Variants in PARD3 observed in about 807,000 individuals in gnomAD.
PARD3 encodes the protein par-3 family cell polarity regulator.
Under a neutral mutation model 155.4 loss-of-function variants are expected in PARD3, and 75 were observed. That is an observed-to-expected ratio of 0.48 (90% CI 0.40 to 0.58). The LOEUF is 0.58. PARD3 is among the 20% of genes least tolerant of loss of function. The probability of loss-of-function intolerance (pLI) is 0.00; values close to 1 mark genes in which losing one functional copy is unlikely to be tolerated. For synonymous variants in PARD3, 576 were observed against 610.5 expected, an observed-to-expected ratio of 0.94 and a Z score of 0.83; for missense variants, 1,642 against 1,721.7, an observed-to-expected ratio of 0.95 and a Z score of 0.82.
intron 2 of PARD3, among the ~76,000 whole-genome samples, chr10:34,656,776 C>T (rs983460893): frequency 2.0e-5 from 3 of 152,118 alleles, no homozygotes; most frequent in African/African-American, 2.4e-5. Context: ...AACTCAGGGC[C>T]GCAGGAGAAG....
intron 22 of PARD3, among the ~76,000 whole-genome samples, chr10:34,218,744 CAGG>C (rs1952132561): frequency 7.1e-6 from 1 of 140,772 alleles, no homozygotes; most frequent in Non-Finnish European, 1.5e-5. Context: ...TCATGGAGGA[CAGG>C]AGATGAGGAG....
intron 22 of PARD3, among the ~76,000 whole-genome samples, chr10:34,149,707 T>C (rs1948690225): frequency 6.6e-6 from 1 of 152,148 alleles, no homozygotes; most frequent in Non-Finnish European, 1.5e-5. Flanking sequence ...AAATGCTTAT[T>C]CTGTTTCACA....
At chr10:34,443,755 G>T (rs535060949) in intron 5 of PARD3, among the ~76,000 whole-genome samples, 20 of 152,206 alleles carry the variant, frequency 1.3e-4, no homozygotes, top group Admixed American at 5.2e-4. Context: ...ACCACAACAT[G>T]TATCATGTGA....
intron 22 of PARD3, among the ~76,000 whole-genome samples, chr10:34,242,226 T>C (rs960615532): frequency 3.3e-5 from 5 of 152,188 alleles, no homozygotes; most frequent in African/African-American, 7.2e-5. Flanking sequence ...TTCATATATA[T>C]AATTTACTTG....
At chr10:34,120,055 C>T (rs1474577782) in intron 23 of PARD3, among the ~76,000 whole-genome samples, 1 of 120,772 alleles carries the variant, frequency 8.3e-6, no homozygotes, top group Non-Finnish European at 1.6e-5. Flanking sequence ...CTCACTCTGT[C>T]ACCCAAGCAG....
intron 1 of PARD3, among the ~76,000 whole-genome samples, chr10:34,720,279 C>CA (rs1415374978): frequency 6.6e-6 from 1 of 151,844 alleles, no homozygotes; most frequent in Non-Finnish European, 1.5e-5. Flanking sequence ...ATTAAAAATA[C>CA]AAAAAATTAG....
At chr10:34,278,346 A>C (rs1020398122) in intron 21 of PARD3, among the ~76,000 whole-genome samples, 1 of 152,200 alleles carries the variant, frequency 6.6e-6, no homozygotes, top group Non-Finnish European at 1.5e-5. Flanking sequence ...TAACATGCTT[A>C]AATCTTTTTC....
At chr10:34,529,664 C>A (rs1241819455) in intron 2 of PARD3, among the ~76,000 whole-genome samples, 2 of 152,022 alleles carry the variant, frequency 1.3e-5, no homozygotes, top group African/African-American at 2.4e-5. Context: ...ACACTGAATT[C>A]TTATAATAAA....
chr10:34,776,551 ATTTT>A (rs753285825), intron 1 of PARD3, among the ~76,000 whole-genome samples: 1 of 142,938 alleles, frequency 7.0e-6, no homozygotes, highest in Admixed American at 7.1e-5. Context: ...TTCTTGAACA[ATTTT>A]TTTTTTTTTT....
At chr10:34,333,518 T>C (rs1835834992) in intron 18 of PARD3, among the ~76,000 whole-genome samples, 1 of 152,102 alleles carries the variant, frequency 6.6e-6, no homozygotes. Context: ...TGGTGGGCCC[T>C]GGGTTTGTGG....
intron 22 of PARD3, among the ~76,000 whole-genome samples, chr10:34,214,507 T>C (rs951512873): frequency 2.0e-5 from 3 of 152,116 alleles, no homozygotes; most frequent in African/African-American, 7.2e-5. Flanking sequence ...CCTTTGGCTC[T>C]TCCTTGCAGA....
chr10:34,305,805 G>C (rs1121830), intron 20 of PARD3, among the ~76,000 whole-genome samples: 95,921 of 151,912 alleles, frequency 0.63, 30,624 homozygotes, highest in African/African-American at 0.71. Flanking sequence ...AAGTGAGACC[G>C]TGTCTTTACA....
intron 1 of PARD3, among the ~76,000 whole-genome samples, chr10:34,806,422 C>A (rs1483871265): frequency 6.6e-6 from 1 of 152,120 alleles, no homozygotes; most frequent in Admixed American, 6.5e-5. Flanking sequence ...AACTCCTGAC[C>A]TCGTGATCCA....
intron 20 of PARD3, among the ~76,000 whole-genome samples, chr10:34,298,446 A>C (rs1288159789): frequency 5.3e-5 from 8 of 152,238 alleles, no homozygotes; most frequent in Non-Finnish European, 8.8e-5. Context: ...CACACACTAC[A>C]ACACGGATGA....
intron 20 of PARD3, among the ~76,000 whole-genome samples, chr10:34,294,870 T>G (rs1956835052): frequency 6.6e-6 from 1 of 152,114 alleles, no homozygotes; most frequent in African/African-American, 2.4e-5. Flanking sequence ...TTGCTTAAAG[T>G]CACCATCTGT....
chr10:34,187,495 A>C (rs116693929), intron 22 of PARD3, among the ~76,000 whole-genome samples: 2 of 152,218 alleles, frequency 1.3e-5, no homozygotes, highest in African/African-American at 4.8e-5. Context: ...ACAGGGGGGA[A>C]AAATCAAACC....
At chr10:34,126,119 G>A (rs1224845687) in intron 23 of PARD3, among the ~76,000 whole-genome samples, 1 of 152,190 alleles carries the variant, frequency 6.6e-6, no homozygotes, top group African/African-American at 2.4e-5. Context: ...TGAGGAAGAA[G>A]TTGCCTTTTC....
At chr10:34,330,208 T>A (rs1381889930) in intron 19 of PARD3, among the ~76,000 whole-genome samples, 2 of 152,202 alleles carry the variant, frequency 1.3e-5, no homozygotes, top group Non-Finnish European at 2.9e-5. Context: ...CAATTTTCAC[T>A]ATTAGGACTC....
chr10:34,727,830 ACACG>A (rs1554821218), intron 1 of PARD3, among the ~76,000 whole-genome samples: 31 of 148,416 alleles, frequency 2.1e-4, no homozygotes, highest in South Asian at 6.4e-4. Context: ...ACACACACAC[ACACG>A]CACGCACGCA....
Sources: gnomAD v4.1 joint callset for allele counts (sites outside exome capture counted in the v4.1 genomes callset) on GRCh38, gnomAD v4.1.1 for gene constraint, MANE v1.5 for transcripts, NCBI Gene and HGNC (gene_info 2026-07-23, HGNC 2026-07-21) for gene names.